The following DGKB variants were observed in gnomAD, a reference collection of about 807,000 sequenced individuals.
DGKB encodes the protein diacylglycerol kinase beta.
In DGKB, 67 loss-of-function variants were observed where a neutral mutation model predicts 114.3. The ratio of observed to expected loss-of-function variants is 0.59; its 90% CI spans 0.48 to 0.72. The LOEUF is 0.72. Ranked by LOEUF, DGKB falls within the 30% of genes least tolerant of loss-of-function variation. The pLI is 0.00. For synonymous variants in DGKB, 398 were observed against 323.1 expected, an observed-to-expected ratio of 1.23 and a Z score of -2.49; for missense variants, 907 against 975.2, an observed-to-expected ratio of 0.93 and a Z score of 0.93.
chr7:14,439,709 CA>C (rs35709898), intron 21 of DGKB, among the ~76,000 whole-genome samples: 52,584 of 150,962 alleles, frequency 0.35, 9,477 homozygotes, highest in South Asian at 0.41. Flanking sequence ...ACTAAAAGTG[CA>C]AAAAATAGCC....
chr7:14,547,007 C>T (rs968523349), intron 20 of DGKB, among the ~76,000 whole-genome samples: 9 of 152,180 alleles, frequency 5.9e-5, no homozygotes, highest in Admixed American at 1.3e-4. Context: ...AAAATAGGCT[C>T]TTTCTTAGTT....
At chr7:14,264,949 G>T (rs1003772141) in intron 23 of DGKB, among the ~76,000 whole-genome samples, 1 of 152,160 alleles carries the variant, frequency 6.6e-6, no homozygotes, top group Non-Finnish European at 1.5e-5. Flanking sequence ...TTTACCAGAA[G>T]TAGGGCTTTG....
chr7:14,400,868 A>C (rs1272615458), intron 21 of DGKB, among the ~76,000 whole-genome samples: 1 of 151,814 alleles, frequency 6.6e-6, no homozygotes, highest in Non-Finnish European at 1.5e-5. Flanking sequence ...ACCCTTGAAA[A>C]CATAGTCAAG....
chr7:14,578,434 C>A lies in DGKB; in HGVS notation c.1609+2428G>T, dbSNP rs574308722. 5.3e-5 allele frequency among the ~76,000 whole-genome samples: 8 copies of A among 152,248 alleles called. No homozygotes were observed. The East Asian group carries it at 1.5e-3, about 29-fold the overall frequency. On this transcript the variant is annotated intron_variant, in intron 19 of 25. Coordinates refer to ENST00000402815, the MANE Select transcript of DGKB (RefSeq NM_001350709.2). Reference sequence around the variant, plus strand: ...GCACACAATTGTTAAGTAACTTGCTCAAAGTTACACACCTGTCAAGAAATA... The same window carrying A: ...GCACACAATTGTTAAGTAACTTGCTAAAAGTTACACACCTGTCAAGAAATA...
intron 21 of DGKB, among the ~76,000 whole-genome samples, chr7:14,349,025 CTT>C (rs1466819446): frequency 6.6e-6 from 1 of 151,998 alleles, no homozygotes; most frequent in Non-Finnish European, 1.5e-5. Flanking sequence ...ACATCGTGAA[CTT>C]TGTTTTATGG....
intron 2 of DGKB, among the ~76,000 whole-genome samples, chr7:14,821,794 T>C (rs1844974389): frequency 6.6e-6 from 1 of 152,152 alleles, no homozygotes; most frequent in South Asian, 2.1e-4. Flanking sequence ...GAGGACATGT[T>C]GGAGAGAGAC....
chr7:14,679,937 A>G (rs1424633225), intron 12 of DGKB, among the ~76,000 whole-genome samples: 2 of 152,000 alleles, frequency 1.3e-5, no homozygotes, highest in African/African-American at 4.8e-5. Flanking sequence ...AAAAATCCGG[A>G]ACTGGATGGA....
chr7:14,518,957 GC>G (rs1188054735), intron 20 of DGKB, among the ~76,000 whole-genome samples: 3 of 152,056 alleles, frequency 2.0e-5, no homozygotes, highest in Non-Finnish European at 4.4e-5. Flanking sequence ...TTGTGATGCT[GC>G]TGTTCCAGGG....
chr7:14,783,922 C>T (rs905633694), intron 2 of DGKB, among the ~76,000 whole-genome samples: 6 of 151,940 alleles, frequency 3.9e-5, no homozygotes, highest in African/African-American at 1.5e-4. Context: ...AAAATGATCC[C>T]TTGTTAAATT....
At chr7:14,339,553 A>G (rs1811267424) in intron 22 of DGKB, among the ~76,000 whole-genome samples, 1 of 152,084 alleles carries the variant, frequency 6.6e-6, no homozygotes, top group African/African-American at 2.4e-5. Flanking sequence ...TTATATTCAG[A>G]GTGGTCACTT....
chr7:14,954,741 A>G (rs1319553686), intron 1 of DGKB, among the ~76,000 whole-genome samples: 1 of 152,064 alleles, frequency 6.6e-6, no homozygotes, highest in African/African-American at 2.4e-5. Flanking sequence ...AAAATAAGAC[A>G]TATGTGTGAT....
At chr7:14,897,197 A>T (rs1782242012) in intron 1 of DGKB, among the ~76,000 whole-genome samples, 1 of 151,984 alleles carries the variant, frequency 6.6e-6, no homozygotes. Context: ...CGTGTTATAC[A>T]GTTCACATAG....
intron 17 of DGKB, among the ~76,000 whole-genome samples, chr7:14,602,650 A>T (rs1803766092): frequency 1.3e-5 from 2 of 152,202 alleles, no homozygotes; most frequent in Admixed American, 1.3e-4. Flanking sequence ...CACCTTGGAA[A>T]CAAAAAGTGA....
At chr7:14,381,223 C>T (rs1819419349) in intron 21 of DGKB, among the ~76,000 whole-genome samples, 1 of 152,084 alleles carries the variant, frequency 6.6e-6, no homozygotes, top group Non-Finnish European at 1.5e-5. Context: ...TTATTTAATG[C>T]CAATAAGCAA....
At chr7:14,756,742 T>TA (rs1834928299) in intron 3 of DGKB, among the ~76,000 whole-genome samples, 2 of 150,500 alleles carry the variant, frequency 1.3e-5, no homozygotes, top group Admixed American at 1.3e-4. Flanking sequence ...CTTGCAAACA[T>TA]ACAAAAAAAA....
intron 25 of DGKB, chr7:14,176,436 A>C (rs1382570040): frequency 1.0e-6 from 1 of 987,394 alleles, no homozygotes; most frequent in African/African-American, 1.7e-5. Context: ...GGCATAGAAA[A>C]GCTGAGAAAT....
At chr7:14,675,442 G>T (rs1461668606) in intron 12 of DGKB, among the ~76,000 whole-genome samples, 1 of 152,082 alleles carries the variant, frequency 6.6e-6, no homozygotes, top group Non-Finnish European at 1.5e-5. Context: ...ATTTAGGCTA[G>T]TTTCCCAGAA....
chr7:14,370,826 A>G (rs2116532), intron 21 of DGKB, among the ~76,000 whole-genome samples: 78,817 of 151,864 alleles, frequency 0.52, 21,480 homozygotes, highest in East Asian at 0.61. Flanking sequence ...TCTTCTCTCC[A>G]TGTTCTAGTA....
At chr7:14,873,777 T>C (rs1852836879) in intron 1 of DGKB, among the ~76,000 whole-genome samples, 1 of 151,966 alleles carries the variant, frequency 6.6e-6, no homozygotes, top group Non-Finnish European at 1.5e-5. Flanking sequence ...AGATTCACGA[T>C]TGCCAAAAGT....
Sources: allele counts gnomAD v4.1 joint callset (sites outside exome capture counted in the v4.1 genomes callset), GRCh38; gene constraint gnomAD v4.1.1; transcripts MANE v1.5; gene names NCBI Gene and HGNC (gene_info 2026-07-23, HGNC 2026-07-21).